SCAND3: variants seen among roughly 807,000 people sequenced by gnomAD.
The protein encoded by SCAND3 is SCAN domain-containing protein 3.
chr6:28,574,992 A>G, the SCAND3 span: 1 of 1,613,532 alleles, frequency 6.2e-7, no homozygotes, highest in Non-Finnish European at 8.5e-7. Flanking sequence ...TGTCTGTTCC[A>G]GTCTCAATGT....
chr6:28,597,375 C>T, the SCAND3 span, among the ~76,000 whole-genome samples: 1 of 152,232 alleles, frequency 6.6e-6, no homozygotes, highest in African/African-American at 2.4e-5. Flanking sequence ...GCGTGCAGAG[C>T]ACAATGGATT....
At chr6:28,603,908 T>C in the SCAND3 span, among the ~76,000 whole-genome samples, 5 of 152,216 alleles carry the variant, frequency 3.3e-5, no homozygotes. Flanking sequence ...CCTGGATGTC[T>C]GATACTTGGC....
chr6:28,597,148 A>G, the SCAND3 span, among the ~76,000 whole-genome samples: 1 of 152,214 alleles, frequency 6.6e-6, no homozygotes, highest in Non-Finnish European at 1.5e-5. Context: ...AGTATGATCA[A>G]TGTTGCTGAG....
At chr6:28,598,876 C>CA in the SCAND3 span, among the ~76,000 whole-genome samples, 25,832 of 73,966 alleles carry the variant, frequency 0.35, 4,948 homozygotes, top group African/African-American at 0.55. Flanking sequence ...GACTATGTCT[C>CA]AAAAAAAAAA....
At chr6:28,579,928 G>A in the SCAND3 span, among the ~76,000 whole-genome samples, 2 of 152,136 alleles carry the variant, frequency 1.3e-5, no homozygotes, top group African/African-American at 2.4e-5. This position sits in a 1 kb window ranked among gnomAD's most constrained non-coding sequence, Gnocchi z 4.5. Context: ...TGTACAAATT[G>A]TTAAAGGATT....
chr6:28,595,494 G>A, the SCAND3 span, among the ~76,000 whole-genome samples: 2 of 151,922 alleles, frequency 1.3e-5, no homozygotes, highest in Non-Finnish European at 2.9e-5. Context: ...AGGCCGAAAC[G>A]GGCAGATCAC....
chr6:28,574,833 A>G, the SCAND3 span: 6 of 1,614,102 alleles, frequency 3.7e-6, no homozygotes, highest in South Asian at 2.2e-5. Context: ...CACAAATTGC[A>G]TGGATATTTC....
chr6:28,600,836 TTTTG>T, the SCAND3 span, among the ~76,000 whole-genome samples: 1 of 151,814 alleles, frequency 6.6e-6, no homozygotes, highest in Non-Finnish European at 1.5e-5. Flanking sequence ...AAAATTATGG[TTTTG>T]TTTGTTCGTT....
the SCAND3 span, among the ~76,000 whole-genome samples, chr6:28,583,368 C>T: frequency 2.0e-5 from 3 of 149,648 alleles, no homozygotes; most frequent in Admixed American, 6.8e-5. Flanking sequence ...GGGGACAGAG[C>T]GAGACTCTGT....
At chr6:28,581,768 T>G in the SCAND3 span, among the ~76,000 whole-genome samples, 16 of 152,254 alleles carry the variant, frequency 1.1e-4, no homozygotes, top group Non-Finnish European at 2.9e-5. Context: ...TATTTCTCCC[T>G]GGCCAGAATT....
At chr6:28,613,132 T>C in the SCAND3 span, among the ~76,000 whole-genome samples, 5 of 152,170 alleles carry the variant, frequency 3.3e-5, no homozygotes, top group Admixed American at 3.3e-4. Flanking sequence ...ATACACAATA[T>C]GCGCAGTATA....
the SCAND3 span, chr6:28,576,196 A>G: frequency 7.4e-7 from 1 of 1,359,796 alleles, no homozygotes; most frequent in Non-Finnish European, 1.0e-6. Flanking sequence ...AAAGACATAT[A>G]TTGCCAAAGG....
At chr6:28,573,134 C>T in the SCAND3 span, 3 of 1,611,916 alleles carry the variant, frequency 1.9e-6, no homozygotes, top group African/African-American at 4.0e-5. Flanking sequence ...TCAAACCTCA[C>T]ATAGACTAAA....
chr6:28,589,408 GA>G, the SCAND3 span: 3 of 151,970 alleles, frequency 2.0e-5, no homozygotes, highest in African/African-American at 7.3e-5. Flanking sequence ...TAGCACTCTG[GA>G]CTTTGAATCC....
the SCAND3 span, chr6:28,574,881 T>C: frequency 4.2e-5 from 67 of 1,613,854 alleles, no homozygotes; most frequent in Non-Finnish European, 5.2e-5. Flanking sequence ...CTGTGCATTC[T>C]TTTTCACAAA....
chr6:28,602,956 ATTTTTTTT>A, the SCAND3 span, among the ~76,000 whole-genome samples: 5 of 94,456 alleles, frequency 5.3e-5, no homozygotes, highest in African/African-American at 9.9e-5. Context: ...CCAAAAAAAA[ATTTTTTTT>A]TTTTTTTTTT....
the SCAND3 span, among the ~76,000 whole-genome samples, chr6:28,595,898 T>A: frequency 6.6e-6 from 1 of 152,192 alleles, no homozygotes. Flanking sequence ...ATGCAATAGA[T>A]CATGATCGAG....
chr6:28,586,634 T>G, the SCAND3 span: 1 of 1,614,214 alleles, frequency 6.2e-7, no homozygotes, highest in Non-Finnish European at 8.5e-7. This position sits in a 1 kb window ranked among gnomAD's most constrained non-coding sequence, Gnocchi z 4.4. Context: ...GGTCTTCTTC[T>G]TTAACCTTTA....
At chr6:28,572,064 G>A in the SCAND3 span, 25 of 1,614,014 alleles carry the variant, frequency 1.5e-5, no homozygotes, top group Non-Finnish European at 2.0e-5. This position sits in a 1 kb window ranked among gnomAD's most constrained non-coding sequence, Gnocchi z 4.1. Flanking sequence ...TCTCACAGAG[G>A]TATGTTGAGG....
Sources: allele counts gnomAD v4.1 joint callset (sites outside exome capture counted in the v4.1 genomes callset), GRCh38; gene constraint gnomAD v4.1.1; non-coding constraint Gnocchi (gnomAD v3.1); transcripts MANE v1.5; gene names NCBI Gene and HGNC (gene_info 2026-07-23, HGNC 2026-07-21).